SDK1: variants seen among roughly 807,000 people sequenced by gnomAD.
The protein encoded by SDK1 is sidekick cell adhesion molecule 1, also known as protein sidekick-1.
In SDK1, 157 loss-of-function variants were observed where a neutral mutation model predicts 245.5. The observed-to-expected ratio is 0.64, with a 90% CI of 0.56 to 0.73. SDK1 has a LOEUF of 0.73. SDK1 is among the 30% of genes least tolerant of loss of function. The pLI, the probability that SDK1 is intolerant of heterozygous loss-of-function variation, is 0.00. For synonymous variants in SDK1, 1,647 were observed against 1,278.5 expected, an observed-to-expected ratio of 1.29 and a Z score of -6.15; for missense variants, 3,583 against 3,002.3, an observed-to-expected ratio of 1.19 and a Z score of -4.52.
chr7:3,314,795 T>G (rs1028293302), intron 1 of SDK1, among the ~76,000 whole-genome samples: 2 of 152,334 alleles, frequency 1.3e-5, no homozygotes, highest in South Asian at 4.2e-4. Context: ...TAGAGATGCC[T>G]TAAGAGGTTT....
chr7:4,175,700 G>C, intron 33 of SDK1, 75 bp from the exon 34 acceptor site: 1 of 1,262,486 alleles, frequency 7.9e-7, no homozygotes, highest in African/African-American at 1.5e-5. Flanking sequence ...TGTCTCCCTT[G>C]TTCCTGCCGC....
chr7:3,624,515 A>C (rs1160110935), intron 2 of SDK1, among the ~76,000 whole-genome samples: 1 of 152,136 alleles, frequency 6.6e-6, no homozygotes, highest in Non-Finnish European at 1.5e-5. Flanking sequence ...TTTTAATAAA[A>C]AATGCCAATG....
intron 43 of SDK1, among the ~76,000 whole-genome samples, chr7:4,245,008 G>A (rs1157076669): frequency 7.2e-5 from 11 of 152,184 alleles, no homozygotes; most frequent in African/African-American, 2.4e-4. Flanking sequence ...GATCATGGGC[G>A]TGATGGGAGT....
At chr7:4,178,654 T>C (rs1225298835) in intron 35 of SDK1, 68 bp downstream of exon 35, 5 of 1,144,886 alleles carry the variant, frequency 4.4e-6, no homozygotes, top group African/African-American at 1.5e-5. Flanking sequence ...CCAGGCACGC[T>C]GCGGCCAAGC....
At chr7:4,244,251 T>A (rs866632315) in intron 43 of SDK1, among the ~76,000 whole-genome samples, 1 of 152,170 alleles carries the variant, frequency 6.6e-6, no homozygotes, top group Non-Finnish European at 1.5e-5. Context: ...AGACACTTCC[T>A]CTGTAGCTGC....
intron 19 of SDK1, among the ~76,000 whole-genome samples, chr7:4,060,137 T>C (rs1779444204): frequency 2.0e-5 from 3 of 152,168 alleles, no homozygotes; most frequent in Admixed American, 1.3e-4. Context: ...CGCCTCGGCC[T>C]TCCAAAGTGC....
intron 4 of SDK1, among the ~76,000 whole-genome samples, chr7:3,655,501 A>ATATATATATG (rs1554303530): frequency 4.9e-4 from 26 of 52,652 alleles, no homozygotes; most frequent in South Asian, 2.4e-3. Context: ...ATATATATAT[A>ATATATATATG]TATGTATGTA....
At chr7:3,798,246 C>G (rs918298276) in intron 4 of SDK1, among the ~76,000 whole-genome samples, 2 of 93,274 alleles carry the variant, frequency 2.1e-5, no homozygotes, top group Non-Finnish European at 3.8e-5. Context: ...GAGACAGATT[C>G]TGTCTCTTTT....
chr7:3,970,588 G>A (rs945218623), intron 11 of SDK1, among the ~76,000 whole-genome samples: 2 of 152,182 alleles, frequency 1.3e-5, no homozygotes, highest in African/African-American at 4.8e-5. Flanking sequence ...TGAAAAAGTG[G>A]TATCTGAATC....
At chr7:3,475,840 G>C (rs1021784996) in intron 1 of SDK1, among the ~76,000 whole-genome samples, 1 of 152,078 alleles carries the variant, frequency 6.6e-6, no homozygotes, top group African/African-American at 2.4e-5. Flanking sequence ...TGCCTCTCTG[G>C]CTCTCTGTGG....
intron 32 of SDK1, among the ~76,000 whole-genome samples, chr7:4,171,250 C>T (rs1257896645): frequency 6.6e-6 from 1 of 152,194 alleles, no homozygotes; most frequent in Admixed American, 6.5e-5. Context: ...GTACACCGCA[C>T]CCTGGAGAGA....
intron 22 of SDK1, among the ~76,000 whole-genome samples, chr7:4,102,612 G>A (rs191967212): frequency 6.6e-6 from 1 of 152,134 alleles, no homozygotes; most frequent in East Asian, 1.9e-4. Flanking sequence ...ATTGACCCTG[G>A]CCTCCGGAGT....
intron 32 of SDK1, among the ~76,000 whole-genome samples, chr7:4,165,924 C>T (rs900668590): frequency 6.6e-6 from 1 of 152,134 alleles, no homozygotes; most frequent in Non-Finnish European, 1.5e-5. Flanking sequence ...GTGTCTAGGA[C>T]TACAGGTGTG....
chr7:3,990,191 A>G (rs1461194246), intron 14 of SDK1, among the ~76,000 whole-genome samples: 1 of 152,344 alleles, frequency 6.6e-6, no homozygotes. Context: ...CAGAGGCAGT[A>G]TGTTATTCCG....
At chr7:3,826,578 G>C (rs1167167343) in intron 5 of SDK1, among the ~76,000 whole-genome samples, 1 of 152,134 alleles carries the variant, frequency 6.6e-6, no homozygotes, top group Admixed American at 6.5e-5. Flanking sequence ...TGTCCACTTT[G>C]TGAGAGTTAG....
intron 13 of SDK1, among the ~76,000 whole-genome samples, chr7:3,977,820 C>T (rs1468815594): frequency 7.9e-5 from 12 of 152,192 alleles, no homozygotes; most frequent in Admixed American, 7.9e-4. Context: ...TGTTGTATAA[C>T]CGTTGTTCAA....
chr7:3,550,366 A>G (rs1779361617), intron 1 of SDK1, among the ~76,000 whole-genome samples: 1 of 152,162 alleles, frequency 6.6e-6, no homozygotes, highest in African/African-American at 2.4e-5. Context: ...GAATTAATAT[A>G]CTCACAATCA....
chr7:3,644,114 C>T (rs1282710341), intron 4 of SDK1, among the ~76,000 whole-genome samples: 1 of 150,736 alleles, frequency 6.6e-6, no homozygotes, highest in Non-Finnish European at 1.5e-5. Context: ...TGTGTCCAGG[C>T]TAGTCTCGAA....
At chr7:4,107,163 G>GGGAGGGTGGGGAGGGTGGGGAGGGTGT in intron 22 of SDK1, among the ~76,000 whole-genome samples, 1 of 149,260 alleles carries the variant, frequency 6.7e-6, no homozygotes, top group Non-Finnish European at 1.5e-5. Flanking sequence ...GGGGAGGGTG[G>GGGAGGGTGGGGAGGGTGGGGAGGGTGT]GGCTGCAGGG....
Sources: gnomAD v4.1 joint callset for allele counts (sites outside exome capture counted in the v4.1 genomes callset) on GRCh38, gnomAD v4.1.1 for gene constraint, MANE v1.5 for transcripts, NCBI Gene and HGNC (gene_info 2026-07-23, HGNC 2026-07-21) for gene names.